The following FOCAD variants were observed in gnomAD, a reference collection of about 807,000 sequenced individuals.
The protein encoded by FOCAD is focadhesin, also known as KIAA1797.
Under a neutral mutation model 225.6 loss-of-function variants are expected in FOCAD, and 198 were observed. That is an observed-to-expected ratio of 0.88 (90% CI 0.78 to 0.99). FOCAD has a LOEUF of 0.99. FOCAD is among the 50% of genes least tolerant of loss of function. FOCAD has a pLI of 0.00. For missense variants in FOCAD, 2,713 were observed against 2,123.6 expected (o/e 1.28, Z -5.46); for synonymous variants, 897 against 755.0 (o/e 1.19, Z -3.08).
chr9:20,778,809 A>G, intron 9 of FOCAD, 41 bp downstream of exon 9: 1 of 1,143,360 alleles, frequency 8.7e-7, no homozygotes, highest in South Asian at 1.3e-5. Context: ...TGTAAATATA[A>G]CATGAGTATT....
chr9:20,894,943 T>C (rs953848593), intron 21 of FOCAD, among the ~76,000 whole-genome samples: 2 of 152,080 alleles, frequency 1.3e-5, no homozygotes, highest in African/African-American at 4.8e-5. Context: ...CTTCTAGGAA[T>C]GTTACAGTAC....
intron 8 of FOCAD, among the ~76,000 whole-genome samples, chr9:20,770,671 A>T (rs567599069): frequency 3.3e-5 from 5 of 152,306 alleles, no homozygotes; most frequent in Non-Finnish European, 7.3e-5. Flanking sequence ...TATCAGATAG[A>T]CGTTTTATTG....
At chr9:20,688,909 A>G (rs960182171) in intron 1 of FOCAD, among the ~76,000 whole-genome samples, 1 of 152,266 alleles carries the variant, frequency 6.6e-6, no homozygotes, top group African/African-American at 2.4e-5. Context: ...CAGTAGAACC[A>G]GAGATGATAA....
chr9:20,754,191 A>G (rs1235719520), intron 5 of FOCAD, among the ~76,000 whole-genome samples: 2 of 152,194 alleles, frequency 1.3e-5, no homozygotes, highest in African/African-American at 4.8e-5. Flanking sequence ...AAAGTAAAGA[A>G]AAATCTTGAG....
intron 6 of FOCAD, among the ~76,000 whole-genome samples, chr9:20,759,595 A>T (rs1013491914): frequency 3.9e-5 from 6 of 152,188 alleles, no homozygotes; most frequent in Non-Finnish European, 7.3e-5. Context: ...GTTAGACCTA[A>T]AACCATAAAA....
chr9:20,897,369 G>A (rs1832180348), intron 21 of FOCAD, among the ~76,000 whole-genome samples: 1 of 150,428 alleles, frequency 6.6e-6, no homozygotes, highest in Admixed American at 6.6e-5. Context: ...CTTCCAAAAT[G>A]ATTATTGATA....
At chr9:20,862,954 A>G (rs1197676654) in intron 16 of FOCAD, 2 of 311,856 alleles carry the variant, frequency 6.4e-6, no homozygotes, top group East Asian at 5.3e-5. Flanking sequence ...TAAAGTCAAT[A>G]TTGTAAAACT....
intron 1 of FOCAD, among the ~76,000 whole-genome samples, chr9:20,715,021 T>A (rs746274022): frequency 2.0e-5 from 3 of 152,222 alleles, no homozygotes; most frequent in Non-Finnish European, 4.4e-5. Flanking sequence ...CTATTTCAAA[T>A]GTGTGGTTGA....
chr9:20,918,583 G>T (rs1834073775), intron 24 of FOCAD, among the ~76,000 whole-genome samples: 1 of 152,148 alleles, frequency 6.6e-6, no homozygotes, highest in African/African-American at 2.4e-5. Flanking sequence ...AATTAGCCGG[G>T]CGTAATGGCG....
Position 20,866,952 on chromosome 9 carries a change from A to T in FOCAD, c.2130A>T (p.Ala710=), listed in dbSNP as rs745788758. The T allele has an allele frequency of 3.5e-6, 5 of 1,447,894 alleles. No individual in the cohort carries two copies. 89.7% of individuals were successfully genotyped at this position (1,447,894 alleles called of 1,614,324 possible). The change falls in exon 18 of 44, where the codon GCA becomes GCT. Residue 710 remains alanine, a synonymous_variant. Coordinates refer to ENST00000338382, the MANE Select transcript of FOCAD (RefSeq NM_001375567.1). ...QNKDPIVANA[A]YRSLANFSAG... is the part of the protein sequence containing the mutation. The stretch of plus-strand genomic sequence containing the variant: ...AGGACCCAATTGTAGCAAATGCTGC[A>T]TATAGATCCCTGGCCAACTTTAGTG...
intron 5 of FOCAD, among the ~76,000 whole-genome samples, chr9:20,748,649 A>G (rs1828275869): frequency 6.6e-6 from 1 of 152,118 alleles, no homozygotes; most frequent in Non-Finnish European, 1.5e-5. Context: ...AATTGAGAAA[A>G]CATAGCTAGT....
At chr9:20,937,311 C>T (rs1244776117) in intron 28 of FOCAD, among the ~76,000 whole-genome samples, 4 of 151,092 alleles carry the variant, frequency 2.6e-5, no homozygotes, top group South Asian at 2.1e-4. Flanking sequence ...AGGCATCACG[C>T]TACCTGACTT....
chr9:20,960,328 G>A (rs1056714879), intron 35 of FOCAD, among the ~76,000 whole-genome samples: 4 of 152,200 alleles, frequency 2.6e-5, no homozygotes, highest in Admixed American at 6.5e-5. Flanking sequence ...TGTGGCACAT[G>A]ACGTCTCAGC....
At chr9:20,677,554 C>T (rs1822270876) in intron 2 of FOCAD, among the ~76,000 whole-genome samples, 1 of 152,014 alleles carries the variant, frequency 6.6e-6, no homozygotes, top group Admixed American at 6.6e-5. Context: ...GGACTAAGGA[C>T]CTGATAGACA....
At chr9:20,922,909 G>A (rs73648447) in intron 24 of FOCAD, among the ~76,000 whole-genome samples, 2,150 of 152,178 alleles carry the variant, frequency 0.014, 56 homozygotes, top group African/African-American at 0.048. Context: ...ACATTTTCAA[G>A]TGGTAAGTAT....
intron 35 of FOCAD, among the ~76,000 whole-genome samples, chr9:20,962,448 A>ATACC (rs1838836943): frequency 6.6e-6 from 1 of 152,010 alleles, no homozygotes; most frequent in African/African-American, 2.4e-5. Context: ...ACATACATAC[A>ATACC]TACATACACT....
At chr9:20,809,373 A>G (rs972090756) in intron 11 of FOCAD, among the ~76,000 whole-genome samples, 2 of 152,314 alleles carry the variant, frequency 1.3e-5, no homozygotes, top group East Asian at 3.9e-4. Context: ...GGCTAGTGTG[A>G]CTGAGGAACA....
intron 11 of FOCAD, among the ~76,000 whole-genome samples, chr9:20,790,534 G>A (rs896730205): frequency 1.3e-5 from 2 of 152,176 alleles, no homozygotes; most frequent in African/African-American, 2.4e-5. Flanking sequence ...CACTTTGGAA[G>A]GCTGAGGTGG....
intron 24 of FOCAD, among the ~76,000 whole-genome samples, chr9:20,923,323 A>G (rs559888622): frequency 6.6e-6 from 1 of 152,302 alleles, no homozygotes; most frequent in Non-Finnish European, 1.5e-5. Context: ...AATAATTTTA[A>G]ATTGGCCAAA....
Sources: allele counts gnomAD v4.1 joint callset (sites outside exome capture counted in the v4.1 genomes callset), GRCh38; gene constraint gnomAD v4.1.1; transcripts MANE v1.5; gene names NCBI Gene and HGNC (gene_info 2026-07-23, HGNC 2026-07-21).